KCNQ1: variants seen among roughly 807,000 people sequenced by gnomAD.
KCNQ1 encodes the protein potassium voltage-gated channel subfamily KQT member 1.
A neutral mutation model predicts 72.4 loss-of-function variants in KCNQ1; 49 were observed. The observed-to-expected ratio is 0.68, with a 90% CI of 0.54 to 0.86. The LOEUF (loss-of-function observed/expected upper bound fraction) is 0.86. KCNQ1 is among the 40% of genes least tolerant of loss of function. The pLI is 0.00. For synonymous variants in KCNQ1, 450 were observed against 412.6 expected (o/e 1.09, Z -1.10); for missense variants, 790 against 945.1 (o/e 0.84, Z 2.15).
intron 10 of KCNQ1, chr11:2,648,974 T>A: frequency 2.6e-6 from 1 of 380,056 alleles, no homozygotes; most frequent in East Asian, 3.7e-5. Flanking sequence ...GTCTCTTTTT[T>A]CTTTTTCTTT....
chr11:2,454,506 G>C (rs1222729808), intron 1 of KCNQ1, among the ~76,000 whole-genome samples: 2 of 152,122 alleles, frequency 1.3e-5, no homozygotes, highest in African/African-American at 4.8e-5. Flanking sequence ...AAGACAAATA[G>C]AGCTGCATGC....
intron 1 of KCNQ1, among the ~76,000 whole-genome samples, chr11:2,499,951 T>C (rs534218395): frequency 2.6e-5 from 4 of 152,222 alleles, no homozygotes; most frequent in African/African-American, 9.6e-5. Flanking sequence ...TTCTAAAAAA[T>C]TGAAATACTA....
intron 2 of KCNQ1, among the ~76,000 whole-genome samples, chr11:2,558,679 G>C (rs1198029349): frequency 6.6e-6 from 1 of 152,210 alleles, no homozygotes; most frequent in Non-Finnish European, 1.5e-5. Context: ...CCCAGGGCTG[G>C]AGGCACCTCA....
In KCNQ1 at chr11:2,649,409, G is replaced by A. The variant is rs1048386385; in HGVS notation, c.1394-12552G>A. 16 of 398,294 alleles carry A rather than the reference G, an allele frequency of 4.0e-5. 1 individual carries two copies. The highest frequency in any genetic ancestry group is 6.6e-5 in the Non-Finnish European group (15 of 226,032). The allele number at this position is 398,294 out of a possible 1,614,324, so 24.7% of individuals were successfully genotyped here. A position where few individuals can be genotyped will look rare whatever the true frequency, so the allele number is the denominator to read the frequency against. On this transcript the variant is annotated intron_variant, in intron 10 of 15. Transcript: ENST00000155840. ...ATGCTTTTGTAGTTTCATGATGGTA[G>A]ATATCATCCTCCTACTTCCAGATGT...
Position 2,683,938 on chromosome 11 carries a change from C to T in KCNQ1, c.1514+21857C>T, listed in dbSNP as rs1026279369. 1.0e-5 allele frequency: 4 copies of T among 398,094 alleles called. No homozygotes were observed. The East Asian group carries it at 1.1e-4, about 11-fold the overall frequency. The allele number at this position is 398,094 out of a possible 1,614,324, so 24.7% of individuals were successfully genotyped here. ...CTCTGTGACACGTTTCATAGTCAGA[C>T]AAAACCAGCTGACTGCTTTTACTTT... On this transcript the variant is annotated intron_variant, in intron 11 of 15. Transcript: ENST00000155840. This position sits in a 1 kb window ranked among gnomAD's most constrained non-coding sequence, Gnocchi z 4.7.
At chr11:2,504,370 A>G (rs1456409889) in intron 1 of KCNQ1, among the ~76,000 whole-genome samples, 1 of 150,468 alleles carries the variant, frequency 6.6e-6, no homozygotes, top group East Asian at 2.0e-4. Context: ...TGGTTAATGG[A>G]AACAAAAAAA....
At chr11:2,790,977 A>G in intron 15 of KCNQ1, among the ~76,000 whole-genome samples, 1 of 151,790 alleles carries the variant, frequency 6.6e-6, no homozygotes, top group East Asian at 1.9e-4. Flanking sequence ...TTTTCCCCAC[A>G]CTAGCGTCTC....
chr11:2,719,777 G>C (rs1851172149), intron 11 of KCNQ1, among the ~76,000 whole-genome samples: 1 of 152,228 alleles, frequency 6.6e-6, no homozygotes, highest in African/African-American at 2.4e-5. Context: ...GAATGGGCCT[G>C]GGTGCAGAGC....
intron 11 of KCNQ1, among the ~76,000 whole-genome samples, chr11:2,743,486 C>T (rs934961808): frequency 3.3e-5 from 5 of 152,244 alleles, no homozygotes; most frequent in African/African-American, 1.2e-4. Flanking sequence ...CCGGCTGTTG[C>T]TCTGACTGTG....
rs1421151575 is a variant in KCNQ1, at chr11:2,491,730, A to T, written c.387-36198A>T. 1.3e-5 allele frequency among the ~76,000 whole-genome samples: 2 copies of T among 152,192 alleles called. No homozygotes were observed. The highest frequency in any genetic ancestry group is 4.8e-5 in the African/African-American group (2 of 41,450). ...ATATTCAAATACAAGAAGATTCTAG[A>T]ATACCAAGCAGATTTAACCCAAAGA... On this transcript the variant is annotated intron_variant, in intron 1 of 15. Transcript: ENST00000155840. This position sits in a 1 kb window ranked among gnomAD's most constrained non-coding sequence, Gnocchi z 4.1.
At chr11:2,587,958 G>A (rs572320354) in intron 9 of KCNQ1, among the ~76,000 whole-genome samples, 5 of 152,260 alleles carry the variant, frequency 3.3e-5, no homozygotes, top group Middle Eastern at 3.4e-3. Flanking sequence ...GGAGCAGGAC[G>A]GGCTGGAAAG....
rs545661957 is a variant in KCNQ1, at chr11:2,721,278, G to A, written c.1515-47566G>A. On this transcript the variant is annotated intron_variant, in intron 11 of 15. Transcript: ENST00000155840. Reference sequence around the variant, plus strand: ...AGGTCGAGTTAAAAGGCAGCACTTCGGGGGTTGAAAAGCTACCCGCAGGGG... The same window carrying A: ...AGGTCGAGTTAAAAGGCAGCACTTCAGGGGTTGAAAAGCTACCCGCAGGGG... Among the ~76,000 whole-genome samples, 11 of 152,298 alleles carry A rather than the reference G, an allele frequency of 7.2e-5. 1 individual carries two copies. Among genetic ancestry groups the A allele is most frequent in the Admixed American group, 5.9e-4 (9 of 15,302 alleles).
chr11:2,741,488 G>A (rs1846049361), intron 11 of KCNQ1, among the ~76,000 whole-genome samples: 1 of 152,150 alleles, frequency 6.6e-6, no homozygotes, highest in Non-Finnish European at 1.5e-5. Context: ...TCCACACCTG[G>A]TGCCTGTCCC....
chr11:2,565,941 A>G lies in KCNQ1; in HGVS notation c.478-4687A>G, dbSNP rs541740063. On this transcript the variant is annotated intron_variant, in intron 2 of 15. Transcript: ENST00000155840. The surrounding 1 kb of genome is among the most constrained non-coding windows in gnomAD (Gnocchi z 5.6). ...TTGTGCCTGCACCCGCCTTGGGGCC[A>G]TCTGACACCCACACCCTCCCTCCAG... 6.6e-6 allele frequency among the ~76,000 whole-genome samples: 1 copy of G among 152,136 alleles called. No individual in the cohort carries two copies. The highest frequency in any genetic ancestry group is 2.4e-5 in the African/African-American group (1 of 41,512).
rs533770102 is a variant in KCNQ1 at position 2,733,137 on chromosome 11, T to G, written c.1515-35707T>G. ...CAGCCTTGCACGTCTCCAGTGTCCC[T>G]CAGAACGGCTCTGGCCCCGCAGCTG... is the stretch of plus-strand genomic sequence containing the variant. On this transcript the variant is annotated intron_variant, in intron 11 of 15. Transcript: ENST00000155840. Among the ~76,000 whole-genome samples, 32 of 152,118 alleles carry G rather than the reference T, an allele frequency of 2.1e-4. No homozygotes were observed. The East Asian group carries it at 5.0e-3, about 24-fold the overall frequency.
chr11:2,518,350 G>A (rs964692927), intron 1 of KCNQ1, among the ~76,000 whole-genome samples: 3 of 152,260 alleles, frequency 2.0e-5, no homozygotes, highest in African/African-American at 7.2e-5. Context: ...TTGTAACATG[G>A]GAGGGTAGAC....
In KCNQ1 at chr11:2,601,160, A is replaced by T. The variant is rs1040180968; in HGVS notation, c.1393+12306A>T. 1.3e-5 allele frequency among the ~76,000 whole-genome samples: 2 copies of T among 151,902 alleles called. No homozygotes were observed. The highest frequency in any genetic ancestry group is 2.4e-5 in the African/African-American group (1 of 41,336). Reference sequence around the variant, plus strand: ...CTTTACTGTGGTAGTTGCAAAAATGATCATTTTCCAACTCTAGCACCCCTT... The same window carrying T: ...CTTTACTGTGGTAGTTGCAAAAATGTTCATTTTCCAACTCTAGCACCCCTT... On this transcript the variant is annotated intron_variant, in intron 10 of 15. Transcript: ENST00000155840. This position sits in a 1 kb window ranked among gnomAD's most constrained non-coding sequence, Gnocchi z 5.2.
rs552500378 is a variant in KCNQ1 at position 2,670,987 on chromosome 11, T to C, written c.1514+8906T>C. 2.7e-4 allele frequency: 106 copies of C among 398,628 alleles called. No homozygotes were observed. Among genetic ancestry groups the C allele is most frequent in the Non-Finnish European group, 4.4e-4 (99 of 226,078 alleles). The allele number at this position is 398,628 out of a possible 1,614,324, so 24.7% of individuals were successfully genotyped here. On this transcript the variant is annotated intron_variant, in intron 11 of 15. Coordinates refer to ENST00000155840, the MANE Select transcript of KCNQ1 (RefSeq NM_000218.3). This position sits in a 1 kb window ranked among gnomAD's most constrained non-coding sequence, Gnocchi z 4.9. The stretch of plus-strand genomic sequence containing the variant: ...CCCAGAGCCCCTGGCTAGGCATTCA[T>C]GCTTTAGATATGTGGGCCCTGTTAG...
rs1554899981 is a variant in KCNQ1, at chr11:2,634,135, A to ATTC, written c.1394-27824_1394-27823insCTT. 3.1e-5 allele frequency: 12 copies of ATTC among 382,572 alleles called. No homozygotes were observed. In the East Asian group the frequency reaches 4.4e-4, roughly 14 times the overall value. 23.7% of individuals were successfully genotyped at this position (382,572 alleles called of 1,614,324 possible). A position where few individuals can be genotyped will look rare whatever the true frequency, so the allele number is the denominator to read the frequency against. On this transcript the variant is annotated intron_variant, in intron 10 of 15. Coordinates refer to ENST00000155840, the MANE Select transcript of KCNQ1 (RefSeq NM_000218.3). ...TATTTCGGTGAAGATTGTCTTTGGTATTTTTTTTTTTTTAGATTTCTCTTT... is the reference window on the plus strand; with the variant it reads ...TATTTCGGTGAAGATTGTCTTTGGTATTCTTTTTTTTTTTTTAGATTTCTCTTT...
Sources: allele counts gnomAD v4.1 joint callset (sites outside exome capture counted in the v4.1 genomes callset), GRCh38; gene constraint gnomAD v4.1.1; non-coding constraint Gnocchi (gnomAD v3.1); transcripts MANE v1.5; gene names NCBI Gene and HGNC (gene_info 2026-07-23, HGNC 2026-07-21).